Variants in TNRC6B observed in about 807,000 individuals in gnomAD.
TNRC6B encodes the protein trinucleotide repeat-containing gene 6B protein.
In TNRC6B, 52 loss-of-function variants were observed where a neutral mutation model predicts 203.6. The ratio of observed to expected loss-of-function variants is 0.26; its 90% CI spans 0.20 to 0.32. The LOEUF is 0.32. Ranked by LOEUF, TNRC6B falls within the 10% of genes least tolerant of loss-of-function variation. The pLI is 1.00. For synonymous variants in TNRC6B, 838 were observed against 845.7 expected (o/e 0.99, Z 0.16); for missense variants, 1,923 against 2,286.2 (o/e 0.84, Z 3.24).
At position 40,258,071 on chromosome 22, in the gene TNRC6B, C is replaced by CTTTTTTT. The variant is rs56078653; in HGVS notation, c.116-3737_116-3731dup. 2.8e-4 allele frequency among the ~76,000 whole-genome samples: 8 copies of CTTTTTTT among 28,712 alleles called. 1 individual carries two copies. The highest frequency in any genetic ancestry group is 5.2e-4 in the Non-Finnish European group (8 of 15,530). The allele number at this position is 28,712 out of a possible 152,430, so 18.8% of individuals were successfully genotyped here. A position where few individuals can be genotyped will look rare whatever the true frequency, so the allele number is the denominator to read the frequency against. ...GAAATCAGAAAATAGGATACACAGC[C>CTTTTTTT]TTTTTTTTTTTTTTTTTTTTTTTTT... is the stretch of plus-strand genomic sequence containing the variant. On this transcript the variant is annotated intron_variant, in intron 3 of 22. Transcript: ENST00000454349.
At chr22:40,224,299 C>T (rs970962224) in intron 1 of TNRC6B, among the ~76,000 whole-genome samples, 2 of 152,200 alleles carry the variant, frequency 1.3e-5, no homozygotes, top group African/African-American at 2.4e-5. Flanking sequence ...ACCACCATGC[C>T]TAGCCTGTCT....
At chr22:40,233,025 A>G (rs941908451) in intron 1 of TNRC6B, among the ~76,000 whole-genome samples, 2 of 151,954 alleles carry the variant, frequency 1.3e-5, no homozygotes, top group African/African-American at 2.4e-5. Flanking sequence ...GTGCGCGCCT[A>G]TAGTCCCAGC....
At chr22:40,098,633 T>A (rs1303571398) in intron 1 of TNRC6B, among the ~76,000 whole-genome samples, 1 of 152,156 alleles carries the variant, frequency 6.6e-6, no homozygotes. Flanking sequence ...TTGGGGTGGG[T>A]TTATCATGCT....
At chr22:40,179,329 A>G (rs2069104257) in intron 1 of TNRC6B, among the ~76,000 whole-genome samples, 1 of 151,928 alleles carries the variant, frequency 6.6e-6, no homozygotes, top group South Asian at 2.1e-4. Context: ...GTGGCGGGTA[A>G]ATTGCCCCCA....
rs1305559135 is a variant in TNRC6B, at chr22:40,324,381, C to T, written c.*1140C>T. Reference sequence around the variant, plus strand: ...CCTTTTCGTTAGTTTGAAATGGGAACGGAAGATAACTTTTGATGATGCGAT... The same window carrying T: ...CCTTTTCGTTAGTTTGAAATGGGAATGGAAGATAACTTTTGATGATGCGAT... On this transcript the variant is annotated 3_prime_UTR_variant, in exon 23 of 23. Coordinates refer to ENST00000454349, the MANE Select transcript of TNRC6B (RefSeq NM_001162501.2). 2 of 151,712 alleles carry T rather than the reference C, an allele frequency of 1.3e-5. No individual in the cohort carries two copies. The highest frequency in any genetic ancestry group is 1.9e-4 in the East Asian group (1 of 5,172). The allele number at this position is 151,712 out of a possible 1,614,324, so 9.4% of individuals were successfully genotyped here.
intron 1 of TNRC6B, among the ~76,000 whole-genome samples, chr22:40,054,686 CAATA>C (rs1361324276): frequency 6.6e-6 from 1 of 152,104 alleles, no homozygotes; most frequent in Admixed American, 6.5e-5. Flanking sequence ...AGTAGGTCCT[CAATA>C]AATATTTTTT....
chr22:40,109,979 C>A (rs1215526095), intron 1 of TNRC6B, among the ~76,000 whole-genome samples: 1 of 152,170 alleles, frequency 6.6e-6, no homozygotes, highest in Admixed American at 6.5e-5. Flanking sequence ...TTACTATCAT[C>A]ATTATCAATG....
At position 40,163,749 on chromosome 22, in the gene TNRC6B, G is replaced by A. The variant is rs140223356; in HGVS notation, c.113+7567G>A. The stretch of plus-strand genomic sequence containing the variant: ...GCAATCCAGCCTGGGCAACAAGAGC[G>A]AAACTCTGTCTCAAAAACAAAAAGA... On this transcript the variant is annotated intron_variant, in intron 4 of 23. Coordinates refer to the TNRC6B transcript ENST00000301923. Among the ~76,000 whole-genome samples, 438 of 151,992 alleles carry A rather than the reference G, an allele frequency of 2.9e-3. 2 individuals are homozygous for A. Among genetic ancestry groups the A allele is most frequent in the African/African-American group, 0.01 (417 of 41,490 alleles).
chr22:40,301,459 C>A, intron 15 of TNRC6B, 126 bp downstream of exon 15: 1 of 1,067,266 alleles, frequency 9.4e-7, no homozygotes, highest in Non-Finnish European at 1.3e-6. Flanking sequence ...ATTCTTATCC[C>A]TGGTTTACAG....
At chr22:40,298,836 G>T (rs1373099292) in intron 12 of TNRC6B, among the ~76,000 whole-genome samples, 1 of 152,106 alleles carries the variant, frequency 6.6e-6, no homozygotes, top group Non-Finnish European at 1.5e-5. Context: ...CGCAGTGGCG[G>T]GCGCCTGTAG....
chr22:40,309,383 C>T (rs1403855344), intron 16 of TNRC6B, among the ~76,000 whole-genome samples: 1 of 152,228 alleles, frequency 6.6e-6, no homozygotes, highest in Non-Finnish European at 1.5e-5. Context: ...GGCCCCAGCC[C>T]CAGCCAGGTC....
intron 1 of TNRC6B, among the ~76,000 whole-genome samples, chr22:40,073,143 T>G (rs76461720): frequency 3.8e-4 from 50 of 130,588 alleles, no homozygotes; most frequent in South Asian, 8.8e-4. Flanking sequence ...GGGCCTTGGT[T>G]TTTTTTTTTT....
intron 2 of TNRC6B, chr22:40,125,635 A>G (rs1394296609): frequency 1.7e-6 from 1 of 579,390 alleles, no homozygotes; most frequent in East Asian, 3.0e-5. Flanking sequence ...GCATAGACAC[A>G]CACACACACA....
At chr22:40,173,537 G>A (rs556829690), upstream of TNRC6B, among the ~76,000 whole-genome samples, 6 of 149,758 alleles carry the variant, frequency 4.0e-5, no homozygotes, top group East Asian at 2.0e-4. Context: ...CTCAGCCTCC[G>A]GAGTAGCTAG....
At chr22:40,163,067 T>G (rs1173756618) in intron 4 of TNRC6B, among the ~76,000 whole-genome samples, 1 of 152,132 alleles carries the variant, frequency 6.6e-6, no homozygotes, top group Non-Finnish European at 1.5e-5. Context: ...AATTCTGAAT[T>G]CTATTTTGTT....
At chr22:40,092,186 T>G (rs1006126723) in intron 1 of TNRC6B, among the ~76,000 whole-genome samples, 13 of 152,072 alleles carry the variant, frequency 8.5e-5, no homozygotes, top group Non-Finnish European at 1.3e-4. Flanking sequence ...CTGGATCACT[T>G]GAGGTCAGGG....
chr22:40,165,186 A>C (rs949729143), intron 4 of TNRC6B, among the ~76,000 whole-genome samples: 8 of 151,312 alleles, frequency 5.3e-5, no homozygotes. Context: ...AACCAAAAAA[A>C]TTCTTTTTGA....
chr22:40,263,317 G>A (rs999934171), intron 4 of TNRC6B, among the ~76,000 whole-genome samples: 2 of 152,198 alleles, frequency 1.3e-5, no homozygotes, highest in Non-Finnish European at 2.9e-5. Flanking sequence ...GCAGAGTAAG[G>A]ATGGAAAGAA....
At chr22:40,091,478 A>G (rs990727857) in intron 1 of TNRC6B, among the ~76,000 whole-genome samples, 3 of 151,802 alleles carry the variant, frequency 2.0e-5, no homozygotes, top group Non-Finnish European at 4.4e-5. Flanking sequence ...AAAAAAAAAA[A>G]GCACAGCAAA....
Sources: gnomAD v4.1 joint callset for allele counts (sites outside exome capture counted in the v4.1 genomes callset) on GRCh38, gnomAD v4.1.1 for gene constraint, MANE v1.5 for transcripts, NCBI Gene and HGNC (gene_info 2026-07-23, HGNC 2026-07-21) for gene names.